TUSC3: variants seen among roughly 807,000 people sequenced by gnomAD.
TUSC3 encodes the protein dolichyl-diphosphooligosaccharide--protein glycosyltransferase subunit TUSC3.
Under a neutral mutation model 44.8 loss-of-function variants are expected in TUSC3, and 45 were observed. That is an observed-to-expected ratio of 1.00 (90% CI 0.79 to 1.29). TUSC3 has a LOEUF of 1.29. TUSC3 is among the 50% of genes most tolerant of loss of function. The pLI, the probability that TUSC3 is intolerant of heterozygous loss-of-function variation, is 0.00. For missense variants in TUSC3, 519 were observed against 437.9 expected (o/e 1.19, Z -1.65); for synonymous variants, 212 against 152.9 (o/e 1.39, Z -2.85).
At chr8:15,654,805 T>A (rs1299965267) in intron 3 of TUSC3, among the ~76,000 whole-genome samples, 5 of 149,608 alleles carry the variant, frequency 3.3e-5, no homozygotes, top group Non-Finnish European at 5.9e-5. Flanking sequence ...TCAAAAAAAA[T>A]AATAATAAAT....
chr8:15,781,111 G>C, the TUSC3 span, among the ~76,000 whole-genome samples: 1 of 152,168 alleles, frequency 6.6e-6, no homozygotes, highest in Non-Finnish European at 1.5e-5. Context: ...TCTTTCCCAG[G>C]TTGCCCCAGC....
chr8:15,483,174 A>C (rs955636724), intron 1 of TUSC3, among the ~76,000 whole-genome samples: 5 of 152,192 alleles, frequency 3.3e-5, no homozygotes, highest in Non-Finnish European at 5.9e-5. Context: ...AATTCTATTA[A>C]ATTTTTTATA....
intron 2 of TUSC3, among the ~76,000 whole-genome samples, chr8:15,527,549 T>G: frequency 6.6e-6 from 1 of 152,302 alleles, no homozygotes; most frequent in Middle Eastern, 3.4e-3. Context: ...TATTTTTGTA[T>G]TTATAAAATT....
intron 1 of TUSC3, among the ~76,000 whole-genome samples, chr8:15,428,726 A>G (rs577981367): frequency 6.6e-6 from 1 of 152,214 alleles, no homozygotes; most frequent in Admixed American, 6.5e-5. Flanking sequence ...GCCAGTGATG[A>G]TGAGCATTTT....
At chr8:15,817,826 A>C in the TUSC3 span, among the ~76,000 whole-genome samples, 4 of 152,176 alleles carry the variant, frequency 2.6e-5, no homozygotes, top group East Asian at 7.7e-4. Flanking sequence ...TCTTGTCCCC[A>C]AACTATGTGT....
intron 6 of TUSC3, among the ~76,000 whole-genome samples, chr8:15,674,652 A>G (rs1025547902): frequency 1.3e-5 from 2 of 151,868 alleles, no homozygotes; most frequent in Non-Finnish European, 2.9e-5. Context: ...CTATATAATA[A>G]TCAATTTGGG....
chr8:15,509,785 C>G (rs566544375), intron 2 of TUSC3, among the ~76,000 whole-genome samples: 2 of 152,226 alleles, frequency 1.3e-5, no homozygotes, highest in Non-Finnish European at 2.9e-5. Context: ...TGGCCTAATA[C>G]AATAATCTGT....
chr8:15,644,579 C>T (rs1458002733), intron 2 of TUSC3, among the ~76,000 whole-genome samples: 3 of 152,152 alleles, frequency 2.0e-5, no homozygotes, highest in East Asian at 3.9e-4. Flanking sequence ...CTTTATCTGT[C>T]ATTAGTTAGG....
chr8:15,809,611 G>A, the TUSC3 span, among the ~76,000 whole-genome samples: 2 of 152,104 alleles, frequency 1.3e-5, no homozygotes, highest in Admixed American at 6.6e-5. Context: ...GAGATCAGCA[G>A]CAACAATAAT....
At chr8:15,743,465 T>C in intron 7 of TUSC3, 73 bp from the exon 8 acceptor site, 1 of 1,459,324 alleles carries the variant, frequency 6.9e-7, no homozygotes, top group Non-Finnish European at 9.6e-7. Context: ...TCTGGAACAT[T>C]GTGTTCAGAG....
intron 7 of TUSC3, among the ~76,000 whole-genome samples, chr8:15,743,185 T>C (rs1811267244): frequency 1.3e-5 from 2 of 152,242 alleles, no homozygotes; most frequent in African/African-American, 4.8e-5. Context: ...AATGTGTCAA[T>C]GACATGTGTC....
chr8:15,519,027 C>G (rs1193496005), intron 2 of TUSC3, among the ~76,000 whole-genome samples: 1 of 152,138 alleles, frequency 6.6e-6, no homozygotes, highest in Non-Finnish European at 1.5e-5. Context: ...GCTTATACAA[C>G]AAAAACATTA....
chr8:15,531,401 G>C (rs1026233021), intron 2 of TUSC3, among the ~76,000 whole-genome samples: 1 of 152,084 alleles, frequency 6.6e-6, no homozygotes, highest in African/African-American at 2.4e-5. Flanking sequence ...ACAGGCACCC[G>C]CCACAGTGCC....
chr8:15,655,254 A>G (rs1470301968), intron 3 of TUSC3, among the ~76,000 whole-genome samples: 1 of 152,224 alleles, frequency 6.6e-6, no homozygotes, highest in East Asian at 1.9e-4. Context: ...CTAAGATCTT[A>G]GGACTTAAGT....
chr8:15,833,946 C>A, the TUSC3 span, among the ~76,000 whole-genome samples: 84,996 of 151,966 alleles, frequency 0.56, 26,410 homozygotes, highest in Non-Finnish European at 0.72. Context: ...ATTTTTTCCA[C>A]TGTAGTCTGA....
At chr8:15,457,824 ATTATTAATAAATTAGAT>A (rs1168551900) in intron 1 of TUSC3, among the ~76,000 whole-genome samples, 6 of 143,974 alleles carry the variant, frequency 4.2e-5, no homozygotes, top group Non-Finnish European at 9.1e-5. Context: ...TAGATAATTA[ATTATTAATAAATTAGAT>A]TAATTATCTA....
the TUSC3 span, among the ~76,000 whole-genome samples, chr8:15,847,946 A>C: frequency 2.2e-3 from 331 of 152,296 alleles, 1 homozygote; most frequent in African/African-American, 6.6e-3. Context: ...TTTCTTTCAG[A>C]AAATATTAAT....
At chr8:15,552,634 T>C (rs564053213) in intron 1 of TUSC3, among the ~76,000 whole-genome samples, 3 of 151,478 alleles carry the variant, frequency 2.0e-5, no homozygotes, top group African/African-American at 7.2e-5. Flanking sequence ...TATGGCTAAG[T>C]TTAGAATACA....
chr8:15,472,952 A>T (rs1800514064), intron 1 of TUSC3, among the ~76,000 whole-genome samples: 1 of 152,178 alleles, frequency 6.6e-6, no homozygotes. Context: ...ATAGACTCTC[A>T]GTGAGGTTAT....
Sources: allele counts gnomAD v4.1 joint callset (sites outside exome capture counted in the v4.1 genomes callset), GRCh38; gene constraint gnomAD v4.1.1; transcripts MANE v1.5; gene names NCBI Gene and HGNC (gene_info 2026-07-23, HGNC 2026-07-21).